Variants in HPCAL1 observed in about 807,000 individuals in gnomAD.
HPCAL1 encodes hippocalcin-like protein 1.
Under a neutral mutation model 17.1 loss-of-function variants are expected in HPCAL1, and 8 were observed. That is an observed-to-expected ratio of 0.47 (90% CI 0.27 to 0.84). The LOEUF (loss-of-function observed/expected upper bound fraction) is 0.84, where lower values mean the gene tolerates loss of function less well. Ranked by LOEUF, HPCAL1 falls within the 40% of genes least tolerant of loss-of-function variation. The probability of loss-of-function intolerance (pLI) is 0.13; values close to 1 mark genes in which losing one functional copy is unlikely to be tolerated. For missense variants in HPCAL1, 165 were observed against 271.1 expected (o/e 0.61, Z 2.75); for synonymous variants, 112 against 111.4 (o/e 1.01, Z -0.03).
At position 10,422,192 on chromosome 2, in the gene HPCAL1, C is replaced by T. The variant is rs1050584453; in HGVS notation, c.379-791C>T. Among the ~76,000 whole-genome samples, 5 of 152,196 alleles carry T rather than the reference C, an allele frequency of 3.3e-5. No individual in the cohort carries two copies. The East Asian group carries it at 5.8e-4, about 18-fold the overall frequency. On this transcript the variant is annotated intron_variant, in intron 3 of 4. Coordinates refer to ENST00000307845, the MANE Select transcript of HPCAL1 (RefSeq NM_002149.4). The stretch of plus-strand genomic sequence containing the variant: ...CCGACGCCATCGATGGCTCCCTGGC[C>T]GGCTGGGTGGTGTTTCTCATGGGAC...
intron 1 of HPCAL1, among the ~76,000 whole-genome samples, chr2:10,320,764 T>A (rs533433709): frequency 6.6e-6 from 1 of 152,314 alleles, no homozygotes; most frequent in Admixed American, 6.5e-5. Context: ...ACTCACTCAT[T>A]CATTCACATA....
At chr2:10,416,472 C>A (rs1305748460) in intron 2 of HPCAL1, among the ~76,000 whole-genome samples, 1 of 152,146 alleles carries the variant, frequency 6.6e-6, no homozygotes, top group African/African-American at 2.4e-5. Flanking sequence ...CAGAGGGAGC[C>A]CACATCTCCA....
chr2:10,349,896 C>T (rs1026980536), intron 1 of HPCAL1, among the ~76,000 whole-genome samples: 1 of 152,048 alleles, frequency 6.6e-6, no homozygotes, highest in Non-Finnish European at 1.5e-5. Flanking sequence ...ACTATCCACA[C>T]TGTTAATGCA....
chr2:10,409,593 C>G (rs796589733), intron 2 of HPCAL1, among the ~76,000 whole-genome samples: 4 of 152,076 alleles, frequency 2.6e-5, no homozygotes. Context: ...GGAGAAAGAA[C>G]TGGGTTGGGT....
intron 1 of HPCAL1, among the ~76,000 whole-genome samples, chr2:10,358,518 C>T (rs1666321396): frequency 6.6e-6 from 1 of 152,156 alleles, no homozygotes; most frequent in Admixed American, 6.5e-5. Context: ...CCATCCTGTG[C>T]CTATAAAAAC....
intron 2 of HPCAL1, among the ~76,000 whole-genome samples, chr2:10,401,247 A>G (rs3771144): frequency 0.13 from 19,078 of 152,034 alleles, 1,513 homozygotes; most frequent in Non-Finnish European, 0.17. Context: ...ATCCAGCACC[A>G]CACCAGGCAC....
intron 1 of HPCAL1, among the ~76,000 whole-genome samples, chr2:10,326,964 G>A (rs914627591): frequency 2.0e-5 from 3 of 152,200 alleles, no homozygotes; most frequent in Admixed American, 6.5e-5. Context: ...CTTTGGCTCA[G>A]CTCTGGGTGT....
At position 10,329,785 on chromosome 2, in the gene HPCAL1, G is replaced by A. The variant is rs538563296; in HGVS notation, c.-111+26608G>A. On this transcript the variant is annotated intron_variant, in intron 1 of 4. Coordinates refer to ENST00000307845, the MANE Select transcript of HPCAL1 (RefSeq NM_002149.4). ...GGGCTCCAGGTGGGCCTGGGTTGGG[G>A]CTCCCAGCTGCAGGAATGCAAAGTT... Among the ~76,000 whole-genome samples the A allele has an allele frequency of 9.5e-4, 144 of 152,262 alleles. 1 individual carries two copies. The highest frequency in any genetic ancestry group is 3.3e-3 in the African/African-American group (139 of 41,554).
chr2:10,345,111 GTC>G (rs997646703), intron 1 of HPCAL1, among the ~76,000 whole-genome samples: 56 of 151,852 alleles, frequency 3.7e-4, no homozygotes, highest in African/African-American at 1.3e-3. Flanking sequence ...CTGTGTGTCT[GTC>G]TCTGTCTCTG....
At chr2:10,399,486 A>ACCACCACCATCACCATCACCACCACCG in intron 2 of HPCAL1, among the ~76,000 whole-genome samples, 1 of 132,864 alleles carries the variant, frequency 7.5e-6, no homozygotes, top group Non-Finnish European at 1.6e-5. Context: ...CACCACCATC[A>ACCACCACCATCACCATCACCACCACCG]CCGCCACCAT....
intron 4 of HPCAL1, 83 bp from the exon 5 acceptor site, chr2:10,426,641 G>A: frequency 9.2e-7 from 1 of 1,083,130 alleles, no homozygotes; most frequent in Non-Finnish European, 1.4e-6. Context: ...GAGCATACCT[G>A]ACCTGAGAGC....
intron 1 of HPCAL1, among the ~76,000 whole-genome samples, chr2:10,311,497 C>T (rs1662956986): frequency 6.6e-6 from 1 of 152,136 alleles, no homozygotes; most frequent in Non-Finnish European, 1.5e-5. Flanking sequence ...AGCACATGTT[C>T]TTGGTGATAT....
intron 1 of HPCAL1, among the ~76,000 whole-genome samples, chr2:10,341,998 G>GT (rs75605259): frequency 0.021 from 3,035 of 141,648 alleles, 24 homozygotes; most frequent in South Asian, 0.027. Flanking sequence ...TCTAGATAAA[G>GT]TTTTTTTTTT....
At chr2:10,424,433 A>T (rs1243888010) in intron 4 of HPCAL1, 2 of 462,396 alleles carry the variant, frequency 4.3e-6, no homozygotes, top group African/African-American at 4.0e-5. Context: ...ATCCGGTCCC[A>T]TGGGGTTGTG....
intron 1 of HPCAL1, among the ~76,000 whole-genome samples, chr2:10,316,672 A>C (rs777850629): frequency 3.5e-4 from 53 of 152,252 alleles, no homozygotes; most frequent in Non-Finnish European, 5.3e-4. Flanking sequence ...TGAAAGATTA[A>C]TTCCAGGGTG....
intron 2 of HPCAL1, among the ~76,000 whole-genome samples, chr2:10,417,834 G>A (rs1670767360): frequency 6.6e-6 from 1 of 151,876 alleles, no homozygotes. Flanking sequence ...TTGAAGCTAG[G>A]AGCTTGAGAC....
chr2:10,385,688 G>A (rs924917179), intron 1 of HPCAL1, among the ~76,000 whole-genome samples: 15 of 152,162 alleles, frequency 9.9e-5, no homozygotes, highest in Admixed American at 3.9e-4. Flanking sequence ...TGTTTGTGGC[G>A]CGACGGCTGC....
At chr2:10,337,292 C>T (rs7581642) in intron 1 of HPCAL1, among the ~76,000 whole-genome samples, 30,333 of 152,046 alleles carry the variant, frequency 0.2, 3,710 homozygotes, top group African/African-American at 0.34. Context: ...TGCCTCCTCA[C>T]GTATTCTTAC....
Position 10,342,320 on chromosome 2 carries a change from T to C in HPCAL1, c.-111+39143T>C, listed in dbSNP as rs1665141110. Among the ~76,000 whole-genome samples, 1 of 152,210 alleles carries C rather than the reference T, an allele frequency of 6.6e-6. No homozygotes were observed. Among genetic ancestry groups the C allele is most frequent in the Non-Finnish European group, 1.5e-5 (1 of 68,034 alleles). Reference sequence around the variant, plus strand: ...AGGTGGGGACCCTGCCTCGCCCGCCTCCAGGGGCACACTGCATTCTTTGTG... The same window carrying C: ...AGGTGGGGACCCTGCCTCGCCCGCCCCCAGGGGCACACTGCATTCTTTGTG... On this transcript the variant is annotated intron_variant, in intron 1 of 4. Coordinates refer to ENST00000307845, the MANE Select transcript of HPCAL1 (RefSeq NM_002149.4). The surrounding 1 kb of genome is among the most constrained non-coding windows in gnomAD (Gnocchi z 4.1).
Sources: gnomAD v4.1 joint callset for allele counts (sites outside exome capture counted in the v4.1 genomes callset) on GRCh38, gnomAD v4.1.1 for gene constraint, Gnocchi (gnomAD v3.1) non-coding constraint, MANE v1.5 for transcripts, NCBI Gene and HGNC (gene_info 2026-07-23, HGNC 2026-07-21) for gene names.